The following HDAC9 variants were observed in gnomAD, a reference collection of about 807,000 sequenced individuals.
HDAC9 encodes histone deacetylase 9, also known as MEF-2 interacting transcription repressor (MITR) protein.
In HDAC9, 41 loss-of-function variants were observed where a neutral mutation model predicts 139.4. The ratio of observed to expected loss-of-function variants is 0.29; its 90% CI spans 0.23 to 0.38. HDAC9 has a LOEUF of 0.38. HDAC9 is among the 10% of genes least tolerant of loss of function. HDAC9 has a pLI of 1.00. For synonymous variants in HDAC9, 517 were observed against 476.2 expected, an observed-to-expected ratio of 1.09 and a Z score of -1.12; for missense variants, 1,147 against 1,297.0, an observed-to-expected ratio of 0.88 and a Z score of 1.78.
At chr7:18,478,604 A>G (rs1328357666) in intron 1 of HDAC9, among the ~76,000 whole-genome samples, 1 of 152,262 alleles carries the variant, frequency 6.6e-6, no homozygotes, top group South Asian at 2.1e-4. Context: ...AAAGAGGAAG[A>G]TAAATTTAGC....
rs561958040 is a variant in HDAC9 at position 18,656,005 on chromosome 7, A to G, written c.1467+7322A>G. 5.9e-5 allele frequency among the ~76,000 whole-genome samples: 9 copies of G among 152,032 alleles called. No homozygotes were observed. In the South Asian group the frequency reaches 1.9e-3, roughly 32 times the overall value. ...TTGCTAAGGAATTTTTAATATAGTTAAGTGATTTGTAGACATGAAAACTGC... is the reference window on the plus strand; with the variant it reads ...TTGCTAAGGAATTTTTAATATAGTTGAGTGATTTGTAGACATGAAAACTGC... On this transcript the variant is annotated intron_variant, in intron 11 of 25. Transcript: ENST00000686413.
chr7:18,192,687 A>T (rs1335694302), intron 2 of HDAC9, among the ~76,000 whole-genome samples: 1 of 152,218 alleles, frequency 6.6e-6, no homozygotes, highest in South Asian at 2.1e-4. Flanking sequence ...TGAAGAAATC[A>T]TCTAGTCCAG....
At chr7:18,762,069 T>A in intron 14 of HDAC9, 88 bp from the exon 15 acceptor site, 1 of 1,385,904 alleles carries the variant, frequency 7.2e-7, no homozygotes, top group African/African-American at 1.4e-5. Flanking sequence ...TTCAGCCCAT[T>A]ATTAATCATC....
At chr7:18,605,687 T>C (rs1290995536) in intron 6 of HDAC9, among the ~76,000 whole-genome samples, 1 of 151,628 alleles carries the variant, frequency 6.6e-6, no homozygotes, top group Admixed American at 6.6e-5. Context: ...TTTGTTTGTT[T>C]GTTTGTTTTT....
intron 2 of HDAC9, among the ~76,000 whole-genome samples, chr7:18,177,158 G>T (rs985357500): frequency 5.3e-5 from 8 of 152,136 alleles, no homozygotes; most frequent in African/African-American, 1.2e-4. Flanking sequence ...GTCCAGAAAA[G>T]ATTTGGGGTC....
At chr7:18,808,464 T>G (rs1167914219) in intron 17 of HDAC9, among the ~76,000 whole-genome samples, 1 of 152,030 alleles carries the variant, frequency 6.6e-6, no homozygotes, top group African/African-American at 2.4e-5. Context: ...CTAATAAATT[T>G]GGGAAAGTTA....
At chr7:18,841,518 G>A (rs555540728) in intron 21 of HDAC9, among the ~76,000 whole-genome samples, 3 of 152,102 alleles carry the variant, frequency 2.0e-5, no homozygotes, top group East Asian at 3.9e-4. Context: ...CAGTTACCAC[G>A]CTTCTTGAGC....
chr7:18,802,210 A>G (rs1405086709), intron 17 of HDAC9, among the ~76,000 whole-genome samples: 1 of 151,910 alleles, frequency 6.6e-6, no homozygotes, highest in Admixed American at 6.6e-5. Flanking sequence ...TTTTCTATAA[A>G]GAATTCTCAA....
intron 13 of HDAC9, among the ~76,000 whole-genome samples, chr7:18,732,957 GTGTGTATGTGTATATACACA>G (rs1314662355): frequency 7.1e-6 from 1 of 140,552 alleles, no homozygotes; most frequent in Admixed American, 6.9e-5. Context: ...ACGTGTATGT[GTGTGTATGTGTATATACACA>G]TGTGTATGTG....
At position 18,987,983 on chromosome 7, in the gene HDAC9, G is replaced by A. The variant is rs180984168; in HGVS notation, c.3171-8040G>A. 2.4e-3 allele frequency among the ~76,000 whole-genome samples: 360 copies of A among 152,068 alleles called. 1 individual carries two copies. The highest frequency in any genetic ancestry group is 7.9e-3 in the African/African-American group (329 of 41,462). On this transcript the variant is annotated intron_variant, in intron 25 of 25. Transcript: ENST00000686413. Reference sequence around the variant, plus strand: ...TTTCTTCTTTATTAGTCTTGCTAGCGGTCTAGCAATTTTGTTGATCCTTTC... The same window carrying A: ...TTTCTTCTTTATTAGTCTTGCTAGCAGTCTAGCAATTTTGTTGATCCTTTC...
intron 1 of HDAC9, among the ~76,000 whole-genome samples, chr7:18,457,715 T>A (rs995632188): frequency 6.6e-6 from 1 of 152,208 alleles, no homozygotes; most frequent in African/African-American, 2.4e-5. Flanking sequence ...GTGAGTTTTT[T>A]AAAAATAGTT....
At position 19,000,584 on chromosome 7, in the gene HDAC9, C is replaced by T. The variant is rs1241630888; in HGVS notation, c.*4522C>T. On this transcript the variant is annotated 3_prime_UTR_variant, in exon 26 of 26. Transcript: ENST00000686413. The stretch of plus-strand genomic sequence containing the variant: ...TAAAATACATTAAATACAATTAAGT[C>T]CGTTATTACTATGCTGGAAATAACT... 6.6e-6 allele frequency: 1 copy of T among 152,184 alleles called. No homozygotes were observed. The highest frequency in any genetic ancestry group is 6.6e-5 in the Admixed American group (1 of 15,266). The allele number at this position is 152,184 out of a possible 1,614,324, so 9.4% of individuals were successfully genotyped here.
intron 3 of HDAC9, among the ~76,000 whole-genome samples, chr7:18,586,756 T>A (rs1441425599): frequency 2.0e-5 from 3 of 152,160 alleles, no homozygotes; most frequent in African/African-American, 7.2e-5. Flanking sequence ...AAAAGAACTC[T>A]TGTATATTAT....
At chr7:18,844,393 T>TTCAG (rs1796779179) in intron 21 of HDAC9, among the ~76,000 whole-genome samples, 1 of 152,180 alleles carries the variant, frequency 6.6e-6, no homozygotes, top group East Asian at 1.9e-4. Flanking sequence ...AAATAGATTA[T>TTCAG]TCAGTCCCCA....
intron 19 of HDAC9, among the ~76,000 whole-genome samples, chr7:18,831,409 T>A (rs996382687): frequency 6.6e-6 from 1 of 152,230 alleles, no homozygotes; most frequent in African/African-American, 2.4e-5. Flanking sequence ...TGATACGATT[T>A]ATAAAATAAG....
chr7:18,672,540 A>G (rs1795731335), intron 12 of HDAC9, among the ~76,000 whole-genome samples: 1 of 152,048 alleles, frequency 6.6e-6, no homozygotes, highest in Non-Finnish European at 1.5e-5. Context: ...TTGATGCACA[A>G]AAGTTTTGAA....
chr7:18,865,132 G>A (rs1798396718), intron 21 of HDAC9, among the ~76,000 whole-genome samples: 2 of 152,244 alleles, frequency 1.3e-5, no homozygotes, highest in African/African-American at 4.8e-5. Context: ...TAAGCTGGCC[G>A]GCTGCCATTT....
At chr7:18,982,078 T>G (rs1784990089) in intron 25 of HDAC9, among the ~76,000 whole-genome samples, 1 of 152,192 alleles carries the variant, frequency 6.6e-6, no homozygotes, top group South Asian at 2.1e-4. Flanking sequence ...GCATTCAAGA[T>G]GTCTTTACTT....
intron 14 of HDAC9, among the ~76,000 whole-genome samples, chr7:18,761,036 A>C (rs2129156019): frequency 6.6e-6 from 1 of 152,314 alleles, no homozygotes; most frequent in South Asian, 2.1e-4. Flanking sequence ...TTCTCCTTGA[A>C]TTTCACTGTT....
Sources: gnomAD v4.1 joint callset for allele counts (sites outside exome capture counted in the v4.1 genomes callset) on GRCh38, gnomAD v4.1.1 for gene constraint, MANE v1.5 for transcripts, NCBI Gene and HGNC (gene_info 2026-07-23, HGNC 2026-07-21) for gene names.